ANKRD50: variants seen among roughly 807,000 people sequenced by gnomAD.
ANKRD50 encodes the protein ankyrin repeat domain-containing protein 50.
In ANKRD50, 40 loss-of-function variants were observed where a neutral mutation model predicts 112.0. That is an observed-to-expected ratio of 0.36 (90% CI 0.28 to 0.46). ANKRD50 has a LOEUF of 0.46. Among genes scored for constraint, ANKRD50 ranks in the 20% least tolerant of loss-of-function variants. The pLI is 1.00. For missense variants in ANKRD50, 1,487 were observed against 1,701.7 expected (o/e 0.87, Z 2.22); for synonymous variants, 613 against 619.1 (o/e 0.99, Z 0.15).
Position 124,678,866 on chromosome 4 carries a change from C to CT in ANKRD50, c.551dup (p.Gln185AlafsTer8). The CT allele has an allele frequency of 6.2e-7, 1 of 1,613,622 alleles. No individual in the cohort carries two copies. Among genetic ancestry groups the CT allele is most frequent in the Non-Finnish European group, 8.5e-7 (1 of 1,179,674 alleles). ...AATCAACAAGCAGGTATAGGCTTTG[C>CT]TGGGGAGGCTTCATTCCCAGAAGAG... On this transcript the variant is annotated frameshift_variant, in exon 3 of 5. Transcript: ENST00000504087. LOFTEE classifies it high-confidence loss of function.
At chr4:124,702,681 C>T (rs1175020816) in intron 2 of ANKRD50, among the ~76,000 whole-genome samples, 2 of 152,056 alleles carry the variant, frequency 1.3e-5, no homozygotes, top group Non-Finnish European at 2.9e-5. Context: ...ATCAAGCTTC[C>T]TATTATATGC....
chr4:124,690,649 A>G (rs945197144), intron 2 of ANKRD50, among the ~76,000 whole-genome samples: 1 of 152,226 alleles, frequency 6.6e-6, no homozygotes, highest in Non-Finnish European at 1.5e-5. Flanking sequence ...TAAAAAGACC[A>G]TGCATGGTTT....
chr4:124,672,355 G>A lies in ANKRD50; in HGVS notation c.922C>T (p.Arg308Ter), dbSNP rs758994260. The A allele has an allele frequency of 2.5e-6, 4 of 1,613,174 alleles. No individual in the cohort carries two copies. Among genetic ancestry groups the A allele is most frequent in the Non-Finnish European group, 2.5e-6 (3 of 1,179,696 alleles). ...TTTTCTACAACTCCATCTAAAACTC[G>A]TTCTAGGTAAAGAAAGCATCCACTG... Reference protein sequence around the residue: ...KSSGCFLYLERVLDGVVENFI... With the variant: ...KSSGCFLYLE The change falls in exon 4 of 5, where the codon CGA becomes TGA. Residue 308 changes from arginine to a stop codon, truncating the protein, a stop_gained. Coordinates refer to ENST00000504087, the MANE Select transcript of ANKRD50 (RefSeq NM_020337.3). LOFTEE classifies it high-confidence loss of function.
At chr4:124,678,943 G>C in intron 2 of ANKRD50, 38 bp from the exon 3 acceptor site, 6 of 1,416,850 alleles carry the variant, frequency 4.2e-6, no homozygotes, top group Non-Finnish European at 4.9e-6. Flanking sequence ...TGAATGTTAA[G>C]TGGCTATGAT....
intron 2 of ANKRD50, among the ~76,000 whole-genome samples, chr4:124,690,519 G>T (rs540624263): frequency 7.6e-4 from 116 of 152,114 alleles, no homozygotes; most frequent in African/African-American, 2.7e-3. Flanking sequence ...TAATAAGCTA[G>T]AAAAAATAGA....
intron 1 of ANKRD50, among the ~76,000 whole-genome samples, chr4:124,711,981 A>G (rs1343050618): frequency 6.6e-6 from 1 of 152,138 alleles, no homozygotes; most frequent in Non-Finnish European, 1.5e-5. Context: ...GTCTGCCCAC[A>G]GGTCCGGCCT....
intron 2 of ANKRD50, among the ~76,000 whole-genome samples, chr4:124,698,555 T>C (rs1025301832): frequency 1.3e-5 from 2 of 152,072 alleles, no homozygotes; most frequent in Non-Finnish European, 2.9e-5. Flanking sequence ...ATAGTTAGTG[T>C]TTCTCAGAGT....
At chr4:124,684,149 ATTT>A (rs916558342) in intron 2 of ANKRD50, among the ~76,000 whole-genome samples, 1 of 152,128 alleles carries the variant, frequency 6.6e-6, no homozygotes, top group African/African-American at 2.4e-5. Flanking sequence ...CGATGAAAAC[ATTT>A]TTTATGGTGT....
rs1725607418 is a variant in ANKRD50, at chr4:124,710,552, C to G, written c.-41G>C. Reference sequence around the variant, plus strand: ...TTCATTTGCTAGAGTCTGGATACATCAACACAGGTCTTTCCATCCATTATG... The same window carrying G: ...TTCATTTGCTAGAGTCTGGATACATGAACACAGGTCTTTCCATCCATTATG... On this transcript the variant is annotated 5_prime_UTR_variant, in exon 2 of 5. Transcript: ENST00000504087. The G allele has an allele frequency of 6.4e-7, 1 of 1,553,078 alleles. No homozygotes were observed.
At chr4:124,704,486 A>G (rs1259160598) in intron 2 of ANKRD50, among the ~76,000 whole-genome samples, 1 of 152,226 alleles carries the variant, frequency 6.6e-6, no homozygotes, top group Non-Finnish European at 1.5e-5. Flanking sequence ...TACATGGTAA[A>G]GAACAGACAG....
intron 2 of ANKRD50, among the ~76,000 whole-genome samples, chr4:124,679,187 A>G (rs1489771559): frequency 1.3e-5 from 2 of 152,144 alleles, no homozygotes; most frequent in Admixed American, 6.5e-5. Context: ...GAAGAAAACT[A>G]TATTTCAATA....
At chr4:124,706,923 AAACAG>A (rs1725519511) in intron 2 of ANKRD50, among the ~76,000 whole-genome samples, 1 of 152,068 alleles carries the variant, frequency 6.6e-6, no homozygotes, top group Non-Finnish European at 1.5e-5. Flanking sequence ...TGAAAGTAAA[AAACAG>A]AACAGTTGTA....
chr4:124,673,735 T>G (rs1730712119), intron 3 of ANKRD50, among the ~76,000 whole-genome samples: 1 of 152,082 alleles, frequency 6.6e-6, no homozygotes, highest in Non-Finnish European at 1.5e-5. Flanking sequence ...GAACTCAATT[T>G]TGTAATACTA....
rs761965382 is a variant in ANKRD50 at position 124,669,073 on chromosome 4, T to C, written c.4204A>G (p.Thr1402Ala). 2.5e-6 allele frequency: 4 copies of C among 1,613,490 alleles called. No individual in the cohort carries two copies. In the South Asian group the frequency reaches 3.3e-5, roughly 13 times the overall value. ...AGAGCTTGTTTAAGGCTTAATTCTG[T>C]CTCTGAGGAAGGGTATCCCTCCAAC... Reference protein sequence around the residue: ...EVLEGYPSSETELSLKQALKL... With the variant: ...EVLEGYPSSEAELSLKQALKL... The change falls in exon 4 of 5, where the codon ACA becomes GCA. Residue 1402 changes from threonine to alanine, a missense_variant. By Grantham distance (58) the Thr-to-Ala change is moderately conservative (BLOSUM62 0). Coordinates refer to ENST00000504087, the MANE Select transcript of ANKRD50 (RefSeq NM_020337.3).
intron 2 of ANKRD50, among the ~76,000 whole-genome samples, chr4:124,690,845 GAAGT>G (rs935026495): frequency 2.0e-5 from 3 of 152,308 alleles, no homozygotes; most frequent in East Asian, 1.9e-4. Context: ...AGTATAGAAA[GAAGT>G]AAGGAAGAAC....
At chr4:124,677,705 G>C (rs1724747673) in intron 3 of ANKRD50, among the ~76,000 whole-genome samples, 2 of 151,942 alleles carry the variant, frequency 1.3e-5, no homozygotes, top group South Asian at 2.1e-4. Context: ...CACATGGCTA[G>C]TGAGTGGTAA....
In ANKRD50 at chr4:124,669,281, T is replaced by C; in HGVS notation, c.3996A>G (p.Ile1332Met). Residue 1332 changes from isoleucine to methionine, a missense_variant, in exon 4 of 5, where the codon ATA (isoleucine) becomes ATG (methionine). This residue lies in a region of ANKRD50 where 441 missense variants were observed against 432.2 expected (regional missense o/e 1.02). Coordinates refer to ENST00000504087, the MANE Select transcript of ANKRD50 (RefSeq NM_020337.3). ...MPAESQCKIMIPSAQQEIGRS... is the reference protein window; with the variant it reads ...MPAESQCKIMMPSAQQEIGRS... Reference sequence around the variant, plus strand: ...GACCAATTTCCTGCTGAGCTGAAGGTATCATAATTTTGCATTGAGATTCTG... The same window carrying C: ...GACCAATTTCCTGCTGAGCTGAAGGCATCATAATTTTGCATTGAGATTCTG... 6.2e-7 allele frequency: 1 copy of C among 1,613,810 alleles called. No homozygotes were observed. Among genetic ancestry groups the C allele is most frequent in the Non-Finnish European group, 8.5e-7 (1 of 1,179,830 alleles).
chr4:124,692,140 T>C (rs535416043), intron 2 of ANKRD50, among the ~76,000 whole-genome samples: 4 of 151,990 alleles, frequency 2.6e-5, no homozygotes, highest in African/African-American at 9.6e-5. Context: ...TCCCCAAGAT[T>C]TCTCATTATG....
In ANKRD50 at chr4:124,665,369, C is replaced by A. The variant is rs1407827408; in HGVS notation, c.*2149G>T. The A allele has an allele frequency of 6.6e-6, 1 of 152,228 alleles. No individual in the cohort carries two copies. The highest frequency in any genetic ancestry group is 1.9e-4 in the East Asian group (1 of 5,182). The allele number at this position is 152,228 out of a possible 1,614,324, so 9.4% of individuals were successfully genotyped here. ...AGTTAGCTCTTTGAAAAACATAAAT[C>A]CCTTATGCAATGTCATATCTTCGCC... On this transcript the variant is annotated 3_prime_UTR_variant, in exon 5 of 5. Coordinates refer to ENST00000504087, the MANE Select transcript of ANKRD50 (RefSeq NM_020337.3).
Sources: allele counts gnomAD v4.1 joint callset (sites outside exome capture counted in the v4.1 genomes callset), GRCh38; gene constraint gnomAD v4.1.1; regional missense constraint gnomAD v4.1.1; transcripts MANE v1.5; gene names NCBI Gene and HGNC (gene_info 2026-07-23, HGNC 2026-07-21).